BHMT2: variants seen among roughly 807,000 people sequenced by gnomAD.
The protein encoded by BHMT2 is S-methylmethionine--homocysteine S-methyltransferase BHMT2.
In BHMT2, 28 loss-of-function variants were observed where a neutral mutation model predicts 39.0. The ratio of observed to expected loss-of-function variants is 0.72; its 90% CI spans 0.53 to 0.98. The LOEUF (loss-of-function observed/expected upper bound fraction) is 0.98, where lower values mean the gene tolerates loss of function less well. Ranked by LOEUF, BHMT2 falls within the 50% of genes least tolerant of loss-of-function variation. The pLI, the probability that BHMT2 is intolerant of heterozygous loss-of-function variation, is 0.00. For synonymous variants in BHMT2, 145 were observed against 160.6 expected (o/e 0.90, Z 0.74); for missense variants, 410 against 455.6 (o/e 0.90, Z 0.91).
Position 79,082,920 on chromosome 5 carries a change from A to C in BHMT2, c.562A>C (p.Thr188Pro). 1 of 1,613,964 alleles carries C rather than the reference A, an allele frequency of 6.2e-7. No homozygotes were observed. Among genetic ancestry groups the C allele is most frequent in the Non-Finnish European group, 8.5e-7 (1 of 1,180,004 alleles). Residue 188 changes from threonine (T) to proline (P), a missense_variant, in exon 5 of 8, where the codon ACC (threonine) becomes CCC (proline). Coordinates refer to ENST00000255192, the MANE Select transcript of BHMT2 (RefSeq NM_017614.5). ...CCCAGAGGGAGACATGCATGATATA[A>C]CCCCCGGAGAATGTGCTGTGAGGCT... is the stretch of plus-strand genomic sequence containing the variant. Reference protein sequence around the residue: ...IGPEGDMHDITPGECAVRLVK... With the variant: ...IGPEGDMHDIPPGECAVRLVK...
chr5:79,083,135 TA>T lies in BHMT2; in HGVS notation c.599-48del, dbSNP rs58483655. 1,535 of 1,565,400 alleles carry T rather than the reference TA, an allele frequency of 9.8e-4. 6 individuals carry two copies. The African/African-American group carries it at 0.014, about 14-fold the overall frequency. ...AACCTCTAAGGTACCTTCCAACTATTAAAAAAAAAGAATAAACAAATAAATA... is the reference window on the plus strand; with the variant it reads ...AACCTCTAAGGTACCTTCCAACTATTAAAAAAAAGAATAAACAAATAAATA... On this transcript the variant is annotated intron_variant, in intron 5 of 7. Coordinates refer to ENST00000255192, the MANE Select transcript of BHMT2 (RefSeq NM_017614.5).
At position 79,080,813 on chromosome 5, in the gene BHMT2, A is replaced by T. The variant is rs776825802; in HGVS notation, c.385A>T (p.Lys129Ter). The change falls in exon 4 of 8, where the codon AAA becomes TAA. Residue 129 changes from lysine (K) to a stop codon, truncating the protein, a stop_gained. Coordinates refer to ENST00000255192, the MANE Select transcript of BHMT2 (RefSeq NM_017614.5). LOFTEE classifies it high-confidence loss of function. ...YKYQKDEARI[K>*]KLFRQQLEVF... ...ATACCAGAAGGATGAAGCTAGAATT[A>T]AAAAACTTTTTCGACAACAGCTAGA... is the stretch of plus-strand genomic sequence containing the variant. 14 of 1,606,118 alleles carry T rather than the reference A, an allele frequency of 8.7e-6. No homozygotes were observed. Among genetic ancestry groups the T allele is most frequent in the Non-Finnish European group, 1.1e-5 (13 of 1,177,824 alleles).
At chr5:79,074,811 A>G (rs1755643891) in intron 1 of BHMT2, among the ~76,000 whole-genome samples, 1 of 152,230 alleles carries the variant, frequency 6.6e-6, no homozygotes, top group African/African-American at 2.4e-5. Context: ...AGCAAGGTAG[A>G]GCCATGTGGC....
intron 4 of BHMT2, among the ~76,000 whole-genome samples, chr5:79,081,160 A>C (rs909987379): frequency 6.6e-6 from 1 of 152,150 alleles, no homozygotes; most frequent in African/African-American, 2.4e-5. Flanking sequence ...TCTACAACCT[A>C]TAAGGAAGCA....
At chr5:79,080,600 A>G in intron 3 of BHMT2, 87 bp from the exon 4 acceptor site, 1 of 1,245,774 alleles carries the variant, frequency 8.0e-7, no homozygotes, top group Admixed American at 2.7e-5. Flanking sequence ...TACTCATCTT[A>G]CTTGTTTATT....
chr5:79,071,387 A>C (rs112159353), intron 1 of BHMT2, among the ~76,000 whole-genome samples: 10 of 152,324 alleles, frequency 6.6e-5, no homozygotes, highest in African/African-American at 2.4e-4. Flanking sequence ...CTGAGTATGA[A>C]TAGAGATGTC....
At chr5:79,084,658 A>G (rs1755860953) in intron 7 of BHMT2, among the ~76,000 whole-genome samples, 1 of 152,200 alleles carries the variant, frequency 6.6e-6, no homozygotes, top group African/African-American at 2.4e-5. Flanking sequence ...AGGTTTCAAC[A>G]TGTGCATTGT....
intron 5 of BHMT2, 35 bp downstream of exon 5, chr5:79,082,991 T>C: frequency 1.9e-6 from 3 of 1,611,736 alleles, no homozygotes; most frequent in East Asian, 2.2e-5. Context: ...CACAGCTCAG[T>C]TGTTGCTTAC....
rs762024515 is a variant in BHMT2 at position 79,083,247 on chromosome 5, G to T, written c.654G>T (p.Thr218=). The change falls in exon 6 of 8, where the codon ACG becomes ACT. Residue 218 remains threonine, a synonymous_variant. Coordinates refer to ENST00000255192, the MANE Select transcript of BHMT2 (RefSeq NM_017614.5). The stretch of plus-strand genomic sequence containing the variant: ...TTGGGCCCGACACCAGCTTGAAGAC[G>T]ATGGAGCTCATGAAGGAGGGTCTTG... ...CRFGPDTSLK[T]MELMKEGLEW... The T allele has an allele frequency of 6.2e-7, 1 of 1,614,160 alleles. No homozygotes were observed. The highest frequency in any genetic ancestry group is 1.7e-5 in the Admixed American group (1 of 60,022).
At chr5:79,082,614 G>T (rs1755808445) in intron 4 of BHMT2, 195 bp from the exon 5 acceptor site, 2 of 538,750 alleles carry the variant, frequency 3.7e-6, no homozygotes, top group Non-Finnish European at 6.3e-6. Flanking sequence ...ATATGTTATT[G>T]TTATAGGAAT....
chr5:79,070,388 C>T (rs1755540190), intron 1 of BHMT2, among the ~76,000 whole-genome samples: 1 of 152,074 alleles, frequency 6.6e-6, no homozygotes, highest in South Asian at 2.1e-4. Flanking sequence ...TCGCTAGCAC[C>T]CCTCAACCTC....
intron 1 of BHMT2, among the ~76,000 whole-genome samples, chr5:79,074,204 T>C (rs1478424627): frequency 2.0e-5 from 3 of 152,196 alleles, no homozygotes; most frequent in African/African-American, 7.2e-5. Flanking sequence ...CATTTCTCAA[T>C]ATTAAACTCC....
intron 4 of BHMT2, among the ~76,000 whole-genome samples, chr5:79,081,356 T>C (rs1166722868): frequency 6.6e-6 from 1 of 152,216 alleles, no homozygotes; most frequent in Non-Finnish European, 1.5e-5. Context: ...CATGTCTTGC[T>C]CTTCTTGCCT....
At chr5:79,074,473 G>A (rs927483979) in intron 1 of BHMT2, among the ~76,000 whole-genome samples, 1 of 152,206 alleles carries the variant, frequency 6.6e-6, no homozygotes, top group African/African-American at 2.4e-5. Context: ...AAAGACTCCT[G>A]TAACCAAGAT....
At chr5:79,085,595 C>T (rs961493464) in intron 7 of BHMT2, among the ~76,000 whole-genome samples, 3 of 152,140 alleles carry the variant, frequency 2.0e-5, no homozygotes, top group East Asian at 1.9e-4. Context: ...GCAGGAGAAT[C>T]GCTTGAATTC....
intron 6 of BHMT2, 43 bp downstream of exon 6, chr5:79,083,417 CA>C: frequency 6.5e-7 from 1 of 1,539,100 alleles, no homozygotes; most frequent in Non-Finnish European, 8.7e-7. Flanking sequence ...TTTCTCGTGA[CA>C]AAATCCAAAT....
Position 79,090,004 on chromosome 5 carries a change from G to A in BHMT2, c.*1430G>A, listed in dbSNP as rs547107884. 1.8e-4 allele frequency among the ~76,000 whole-genome samples: 27 copies of A among 152,304 alleles called. No individual in the cohort carries two copies. Among genetic ancestry groups the A allele is most frequent in the Admixed American group, 7.2e-4 (11 of 15,298 alleles). Reference sequence around the variant, plus strand: ...TTCTTATGTTTGTGTTATTTCATGTGTGCCAGTTTCTCTTTTTTTCACAAC... The same window carrying A: ...TTCTTATGTTTGTGTTATTTCATGTATGCCAGTTTCTCTTTTTTTCACAAC... On this transcript the variant is annotated 3_prime_UTR_variant, in exon 8 of 8. Coordinates refer to ENST00000255192, the MANE Select transcript of BHMT2 (RefSeq NM_017614.5).
At chr5:79,081,439 T>C (rs1755787170) in intron 4 of BHMT2, among the ~76,000 whole-genome samples, 1 of 152,224 alleles carries the variant, frequency 6.6e-6, no homozygotes. Context: ...GGTCATTGAT[T>C]GGACATGAAG....
intron 1 of BHMT2, among the ~76,000 whole-genome samples, chr5:79,070,604 A>G (rs1755546551): frequency 6.6e-6 from 1 of 152,148 alleles, no homozygotes; most frequent in Non-Finnish European, 1.5e-5. Context: ...TGTCATTCAG[A>G]ATGGGAGGAA....
Sources: gnomAD v4.1 joint callset for allele counts (sites outside exome capture counted in the v4.1 genomes callset) on GRCh38, gnomAD v4.1.1 for gene constraint, MANE v1.5 for transcripts, NCBI Gene and HGNC (gene_info 2026-07-23, HGNC 2026-07-21) for gene names.